Variants in CBL observed in about 807,000 individuals in gnomAD.
CBL encodes Cbl proto-oncogene, also known as E3 ubiquitin-protein ligase CBL.
Under a neutral mutation model 96.9 loss-of-function variants are expected in CBL, and 45 were observed. The ratio of observed to expected loss-of-function variants is 0.46; its 90% CI spans 0.37 to 0.60. The LOEUF (loss-of-function observed/expected upper bound fraction) is 0.60. Among genes scored for constraint, CBL ranks in the 20% least tolerant of loss-of-function variants. The probability of loss-of-function intolerance (pLI) is 0.00; values close to 1 mark genes in which losing one functional copy is unlikely to be tolerated. For missense variants in CBL, 1,024 were observed against 1,143.5 expected, an observed-to-expected ratio of 0.90 and a Z score of 1.51; for synonymous variants, 420 against 426.8, an observed-to-expected ratio of 0.98 and a Z score of 0.20.
At position 119,302,663 on chromosome 11, in the gene CBL, A is replaced by G. The variant is rs1167109986; in HGVS notation, c.*2882A>G. 4.3e-6 allele frequency: 1 copy of G among 231,500 alleles called. No individual in the cohort carries two copies. Among genetic ancestry groups the G allele is most frequent in the Non-Finnish European group, 8.5e-6 (1 of 117,024 alleles). The allele number at this position is 231,500 out of a possible 1,614,324, so 14.3% of individuals were successfully genotyped here. On this transcript the variant is annotated 3_prime_UTR_variant, in exon 16 of 16. Transcript: ENST00000264033. ...AGCTGCCTTGTTGCGGGGTTGCTGCAGAGCAGCAACTGGACCTTTCCAGCT... is the reference window on the plus strand; with the variant it reads ...AGCTGCCTTGTTGCGGGGTTGCTGCGGAGCAGCAACTGGACCTTTCCAGCT...
Position 119,307,448 on chromosome 11 carries a change from C to T in CBL, c.*7667C>T. 1 of 232,910 alleles carries T rather than the reference C, an allele frequency of 4.3e-6. No homozygotes were observed. Among genetic ancestry groups the T allele is most frequent in the Non-Finnish European group, 8.5e-6 (1 of 117,486 alleles). 14.4% of individuals were successfully genotyped at this position (232,910 alleles called of 1,614,324 possible). On this transcript the variant is annotated 3_prime_UTR_variant, in exon 16 of 16. Coordinates refer to ENST00000264033, the MANE Select transcript of CBL (RefSeq NM_005188.4). ...ACCTCCTGCCCCCACCCCCCAGCCC[C>T]CATCAGATGTGGCTGGCCTTTCATT... is the stretch of plus-strand genomic sequence containing the variant.
intron 1 of CBL, among the ~76,000 whole-genome samples, chr11:119,209,133 C>A (rs752875072): frequency 2.6e-5 from 4 of 152,128 alleles, no homozygotes; most frequent in Non-Finnish European, 4.4e-5. Flanking sequence ...TTTCTGAATA[C>A]CTCTGTGATG....
intron 9 of CBL, among the ~76,000 whole-genome samples, chr11:119,280,687 CGT>C (rs1047820756): frequency 1.3e-4 from 20 of 152,124 alleles, no homozygotes; most frequent in African/African-American, 4.1e-4. Context: ...TCTGTCCCCT[CGT>C]TCAGAGTTTT....
intron 2 of CBL, among the ~76,000 whole-genome samples, chr11:119,265,654 A>G (rs1436325353): frequency 1.3e-5 from 2 of 152,162 alleles, no homozygotes; most frequent in African/African-American, 4.8e-5. Context: ...GGGAAGCCCA[A>G]GGTGGGTGGA....
Position 119,244,581 on chromosome 11 carries a change from A to ATTTTTTTTTTTTTTTTTTTTTT in CBL, c.443+11904_443+11905insTTTTTTTTTTTTTTTTTTTTTT, listed in dbSNP as rs532837579. On this transcript the variant is annotated intron_variant, in intron 2 of 15. Transcript: ENST00000264033. ...AGGTGCATGCTACCATGCCCGGCTA[A>ATTTTTTTTTTTTTTTTTTTTTT]TTTTTTTTTTTTTTTTTTGAGACGG... Among the ~76,000 whole-genome samples, 66 of 104,370 alleles carry ATTTTTTTTTTTTTTTTTTTTTT rather than the reference A, an allele frequency of 6.3e-4. 9 individuals are homozygous for ATTTTTTTTTTTTTTTTTTTTTT. The highest frequency in any genetic ancestry group is 1.3e-3 in the East Asian group (4 of 2,964). 68.5% of individuals were successfully genotyped at this position (104,370 alleles called of 152,430 possible). A position where few individuals can be genotyped will look rare whatever the true frequency, so the allele number is the denominator to read the frequency against.
chr11:119,284,841 C>A (rs1215416337), intron 9 of CBL, 128 bp from the exon 10 acceptor site: 1 of 1,163,078 alleles, frequency 8.6e-7, no homozygotes, highest in Non-Finnish European at 1.3e-6. Flanking sequence ...TGTGCGACCT[C>A]AAACCTAGGT....
intron 2 of CBL, among the ~76,000 whole-genome samples, chr11:119,250,271 CCT>C (rs1384323398): frequency 3.9e-5 from 6 of 152,176 alleles, no homozygotes; most frequent in African/African-American, 1.2e-4. Context: ...AGATTTTTTT[CCT>C]CTCTTGTCCT....
At chr11:119,242,202 C>T (rs1398067850) in intron 2 of CBL, among the ~76,000 whole-genome samples, 5 of 151,852 alleles carry the variant, frequency 3.3e-5, no homozygotes, top group Non-Finnish European at 7.4e-5. Context: ...TCCTGTAATC[C>T]CAGTGATTTG....
Position 119,261,034 on chromosome 11 carries a change from A to G in CBL, c.444-10701A>G, listed in dbSNP as rs542038606. ...TTCAAGCGATTCTGATGCCTCAGCT[A>G]TCCGAGTAGCTGGGATTACAGGTGT... On this transcript the variant is annotated intron_variant, in intron 2 of 15. Coordinates refer to ENST00000264033, the MANE Select transcript of CBL (RefSeq NM_005188.4). Among the ~76,000 whole-genome samples, 7 of 142,742 alleles carry G rather than the reference A, an allele frequency of 4.9e-5. No individual in the cohort carries two copies. The South Asian group carries it at 1.1e-3, about 23-fold the overall frequency. 93.6% of individuals were successfully genotyped at this position (142,742 alleles called of 152,430 possible).
intron 12 of CBL, among the ~76,000 whole-genome samples, chr11:119,290,216 T>G (rs1950015243): frequency 6.6e-6 from 1 of 152,092 alleles, no homozygotes; most frequent in African/African-American, 2.4e-5. Context: ...CAGCTAATTT[T>G]TGCATTTTTT....
chr11:119,301,341 T>C lies in CBL; in HGVS notation c.*1560T>C, dbSNP rs1489207636. 1 of 233,190 alleles carries C rather than the reference T, an allele frequency of 4.3e-6. No homozygotes were observed. The highest frequency in any genetic ancestry group is 8.5e-6 in the Non-Finnish European group (1 of 118,056). 14.4% of individuals were successfully genotyped at this position (233,190 alleles called of 1,614,324 possible). On this transcript the variant is annotated 3_prime_UTR_variant, in exon 16 of 16. Transcript: ENST00000264033. ...AGAACTATTAGTCAGTTCTTTTATATGCTGATAAATGATCCCTCGAGTTCA... is the reference window on the plus strand; with the variant it reads ...AGAACTATTAGTCAGTTCTTTTATACGCTGATAAATGATCCCTCGAGTTCA...
intron 12 of CBL, 135 bp downstream of exon 12, chr11:119,288,081 T>G: frequency 1.5e-6 from 1 of 681,202 alleles, no homozygotes; most frequent in South Asian, 1.7e-5. Flanking sequence ...ATGATTATAT[T>G]TTATGTTTTA....
chr11:119,222,147 C>G (rs1243981347), intron 1 of CBL, among the ~76,000 whole-genome samples: 1 of 140,160 alleles, frequency 7.1e-6, no homozygotes, highest in African/African-American at 2.7e-5. Context: ...ATGCTTGTAT[C>G]AATAAGTTGG....
At position 119,287,964 on chromosome 11, in the gene CBL, A is replaced by G. The variant is rs779016553; in HGVS notation, c.2036+18A>G. 3.9e-6 allele frequency: 6 copies of G among 1,558,404 alleles called. No homozygotes were observed. Among genetic ancestry groups the G allele is most frequent in the Non-Finnish European group, 5.3e-6 (6 of 1,129,370 alleles). ...GCTGCCAGGTAAGTCTGCTAAAGCT[A>G]TATTTTGTACAGTGGAGTTGTTACT... On this transcript the variant is annotated intron_variant, in intron 12 of 15. Transcript: ENST00000264033.
chr11:119,266,574 G>A (rs537269047), intron 2 of CBL, among the ~76,000 whole-genome samples: 167 of 152,208 alleles, frequency 1.1e-3, no homozygotes, highest in African/African-American at 2.6e-3. Context: ...AGGTACGTTG[G>A]CTTTGAAGGT....
Position 119,307,607 on chromosome 11 carries a change from GT to G in CBL, c.*7831del, listed in dbSNP as rs1272339695. The G allele has an allele frequency of 8.6e-6, 2 of 231,594 alleles. No homozygotes were observed. Among genetic ancestry groups the G allele is most frequent in the Non-Finnish European group, 1.7e-5 (2 of 116,918 alleles). The allele number at this position is 231,594 out of a possible 1,614,324, so 14.3% of individuals were successfully genotyped here. A position where few individuals can be genotyped will look rare whatever the true frequency, so the allele number is the denominator to read the frequency against. ...GTGACTATAGTGAGCTTTAGCAAAA[GT>G]TTTTCTATATAATGACATCTTACTT... On this transcript the variant is annotated 3_prime_UTR_variant, in exon 16 of 16. Coordinates refer to ENST00000264033, the MANE Select transcript of CBL (RefSeq NM_005188.4).
At chr11:119,295,110 C>T (rs1298274842) in intron 12 of CBL, among the ~76,000 whole-genome samples, 3 of 152,148 alleles carry the variant, frequency 2.0e-5, no homozygotes, top group African/African-American at 7.2e-5. Context: ...TCCGTGGCTC[C>T]GGCTTGGAAC....
intron 1 of CBL, among the ~76,000 whole-genome samples, chr11:119,218,497 AT>A (rs1272074587): frequency 1.3e-5 from 2 of 152,236 alleles, no homozygotes; most frequent in Non-Finnish European, 2.9e-5. Flanking sequence ...AAAATATTAA[AT>A]GGAAAATTCC....
Position 119,299,662 on chromosome 11 carries a change from G to C in CBL, c.2602G>C (p.Gly868Arg), listed in dbSNP as rs1486469755. 2 of 1,614,000 alleles carry C rather than the reference G, an allele frequency of 1.2e-6. No individual in the cohort carries two copies. Among genetic ancestry groups the C allele is most frequent in the Non-Finnish European group, 1.7e-6 (2 of 1,180,026 alleles). ...SSEIENLMSQ[G>R]YSYQDIQKAL... is the part of the protein sequence containing the mutation. The stretch of plus-strand genomic sequence containing the variant: ...TGAGATCGAGAACCTCATGAGTCAG[G>C]GGTACTCCTACCAGGACATCCAGAA... The change falls in exon 16 of 16, where the codon GGG becomes CGG. Residue 868 changes from glycine (G) to arginine (R), a missense_variant. Transcript: ENST00000264033.
Sources: allele counts gnomAD v4.1 joint callset (sites outside exome capture counted in the v4.1 genomes callset), GRCh38; gene constraint gnomAD v4.1.1; transcripts MANE v1.5; gene names NCBI Gene and HGNC (gene_info 2026-07-23, HGNC 2026-07-21).